PTPN5: variants seen among roughly 807,000 people sequenced by gnomAD.
PTPN5 encodes the protein protein tyrosine phosphatase non-receptor type 5, also known as tyrosine-protein phosphatase non-receptor type 5.
PTPN5 carries 29 observed loss-of-function variants against 73.9 expected under a neutral mutation model. The ratio of observed to expected loss-of-function variants is 0.39; its 90% CI spans 0.29 to 0.54. PTPN5 has a LOEUF of 0.54. PTPN5 is among the 20% of genes least tolerant of loss of function. The pLI is 0.65. For synonymous variants in PTPN5, 267 were observed against 304.7 expected (o/e 0.88, Z 1.29); for missense variants, 652 against 751.4 (o/e 0.87, Z 1.55).
chr11:18,745,077 T>C (rs891527702), intron 3 of PTPN5, among the ~76,000 whole-genome samples: 3 of 152,214 alleles, frequency 2.0e-5, no homozygotes, highest in African/African-American at 7.2e-5. Context: ...GGCTTAGATC[T>C]GAGCCCCTGG....
intron 1 of PTPN5, among the ~76,000 whole-genome samples, chr11:18,789,983 T>A (rs1178495554): frequency 1.3e-5 from 2 of 151,946 alleles, no homozygotes; most frequent in Non-Finnish European, 2.9e-5. Context: ...GAACCTCAGG[T>A]CCCTGGAGAC....
chr11:18,777,975 G>GACGA (rs1439956256), intron 1 of PTPN5, among the ~76,000 whole-genome samples: 1 of 145,610 alleles, frequency 6.9e-6, no homozygotes, highest in African/African-American at 2.6e-5. Flanking sequence ...AGGAAGGAAG[G>GACGA]AAGAAAGAAA....
At chr11:18,764,724 T>G (rs1850556605) in intron 3 of PTPN5, among the ~76,000 whole-genome samples, 1 of 151,988 alleles carries the variant, frequency 6.6e-6, no homozygotes, top group African/African-American at 2.4e-5. Flanking sequence ...TTTGTTTTGT[T>G]TTTTTGGAGA....
intron 1 of PTPN5, among the ~76,000 whole-genome samples, chr11:18,774,227 G>A (rs1851039978): frequency 6.6e-6 from 1 of 152,246 alleles, no homozygotes; most frequent in South Asian, 2.1e-4. Context: ...AAAGGTGAAT[G>A]TTGACTATCA....
chr11:18,760,789 C>T (rs570664482), intron 3 of PTPN5, among the ~76,000 whole-genome samples: 25 of 152,332 alleles, frequency 1.6e-4, no homozygotes, highest in African/African-American at 5.5e-4. Context: ...CATGGCACTC[C>T]CCATGAGCAG....
At chr11:18,773,542 A>C (rs116341756) in intron 1 of PTPN5, among the ~76,000 whole-genome samples, 2,133 of 152,194 alleles carry the variant, frequency 0.014, 46 homozygotes, top group African/African-American at 0.049. Flanking sequence ...GGGGTATCTC[A>C]GCTATAATCA....
Position 18,791,753 on chromosome 11 carries a change from C to G in PTPN5, c.-342G>C, listed in dbSNP as rs529139370. ...CGCTCCGTCCCGCGCTCCGTGCGCG[C>G]TCCCTCGCCCGACCGCCTCACCAAA... On this transcript the variant is annotated 5_prime_UTR_variant, in exon 1 of 15. Transcript: ENST00000358540. 3 of 152,294 alleles carry G rather than the reference C, an allele frequency of 2.0e-5. No homozygotes were observed. The highest frequency in any genetic ancestry group is 7.2e-5 in the African/African-American group (3 of 41,464). 9.4% of individuals were successfully genotyped at this position (152,294 alleles called of 1,614,324 possible).
In PTPN5 at chr11:18,744,849, T is replaced by A. The variant is rs565931773; in HGVS notation, c.98-650A>T. On this transcript the variant is annotated intron_variant, in intron 3 of 14. Transcript: ENST00000358540. ...TCCGGAGAGTCACTCCCTCTCTGGA[T>A]CTTAAGTTTCCCCACCTGGAAGATG... 9.9e-4 allele frequency among the ~76,000 whole-genome samples: 151 copies of A among 152,284 alleles called. 1 individual carries two copies. In the South Asian group the frequency reaches 0.013, roughly 13 times the overall value.
rs536950506 is a variant in PTPN5, at chr11:18,733,715, A to G, written c.1001-80T>C. 1.6e-6 allele frequency: 2 copies of G among 1,215,692 alleles called. No homozygotes were observed. Among genetic ancestry groups the G allele is most frequent in the Non-Finnish European group, 2.4e-6 (2 of 820,262 alleles). 75.3% of individuals were successfully genotyped at this position (1,215,692 alleles called of 1,614,324 possible). The stretch of plus-strand genomic sequence containing the variant: ...CACTTGCTCTGGCCTATTCCAGCAT[A>G]CCCACACTTCTTCTGCGACATTAGC... On this transcript the variant is annotated intron_variant, in intron 9 of 14. Transcript: ENST00000358540. This position sits in a 1 kb window ranked among gnomAD's most constrained non-coding sequence, Gnocchi z 4.3.
chr11:18,739,039 C>T (rs994857424), intron 8 of PTPN5, among the ~76,000 whole-genome samples: 1 of 151,826 alleles, frequency 6.6e-6, no homozygotes, highest in Non-Finnish European at 1.5e-5. Flanking sequence ...CGGGATGACT[C>T]TCCATGCCTC....
intron 3 of PTPN5, among the ~76,000 whole-genome samples, chr11:18,754,254 C>A (rs1035573375): frequency 1.3e-5 from 2 of 152,166 alleles, no homozygotes; most frequent in Non-Finnish European, 2.9e-5. Flanking sequence ...AAATTGAGGG[C>A]CCTTCACCCT....
chr11:18,781,523 T>A (rs376185625), intron 1 of PTPN5, among the ~76,000 whole-genome samples: 95 of 152,144 alleles, frequency 6.2e-4, no homozygotes, highest in African/African-American at 2.2e-3. Context: ...TTTCACCATA[T>A]TGGCTAGGGT....
rs765944445 is a variant in PTPN5 at position 18,742,494 on chromosome 11, G to A, written c.493C>T (p.Leu165Phe). The change falls in exon 7 of 15, where the codon CTC (leucine) becomes TTC (phenylalanine). Residue 165 changes from leucine to phenylalanine, a missense_variant. Physicochemically the swap from Leu to Phe is conservative, Grantham distance 22. This residue lies in a region of PTPN5 where 529 missense variants were observed against 573.9 expected (regional missense o/e 0.92). Coordinates refer to ENST00000358540, the MANE Select transcript of PTPN5 (RefSeq NM_006906.2). The surrounding 1 kb of genome is among the most constrained non-coding windows in gnomAD (Gnocchi z 4.1). ...GGTGGCTCTGGGGGTGTCCTCAGGA[G>A]GTGCCACACCTGGTTGGGGTGTACA... Reference protein sequence around the residue: ...LVLVTTLVWHLLRTPPEPPTP... With the variant: ...LVLVTTLVWHFLRTPPEPPTP... The A allele has an allele frequency of 4.0e-5, 65 of 1,613,348 alleles. No individual in the cohort carries two copies. The South Asian group carries it at 6.1e-4, about 15-fold the overall frequency.
intron 3 of PTPN5, among the ~76,000 whole-genome samples, chr11:18,750,741 T>C (rs1409819319): frequency 6.6e-6 from 1 of 152,128 alleles, no homozygotes; most frequent in African/African-American, 2.4e-5. Flanking sequence ...TGCTGTTCAA[T>C]AGTCACAACT....
intron 3 of PTPN5, among the ~76,000 whole-genome samples, chr11:18,748,521 TTCTGGGTAGAAA>T (rs1849739325): frequency 3.9e-5 from 6 of 152,208 alleles, no homozygotes; most frequent in Admixed American, 3.9e-4. Flanking sequence ...TTAGATATTT[TTCTGGGTAGAAA>T]TCTGACTTTT....
intron 3 of PTPN5, among the ~76,000 whole-genome samples, chr11:18,749,664 T>C (rs184935009): frequency 2.0e-5 from 3 of 152,172 alleles, no homozygotes; most frequent in African/African-American, 7.2e-5. Context: ...GGGTAAGGCA[T>C]GCAGGCAAAT....
rs1564929448 is a variant in PTPN5 at position 18,777,991 on chromosome 11, A to AAGGAAGGAAGG, written c.-113-5921_-113-5920insCCTTCCTTCCT. Among the ~76,000 whole-genome samples the AAGGAAGGAAGG allele has an allele frequency of 3.2e-3, 298 of 92,552 alleles. 1 individual carries two copies. Among genetic ancestry groups the AAGGAAGGAAGG allele is most frequent in the South Asian group, 0.026 (61 of 2,348 alleles). The allele number at this position is 92,552 out of a possible 152,430, so 60.7% of individuals were successfully genotyped here. On this transcript the variant is annotated intron_variant, in intron 1 of 14. Transcript: ENST00000358540. ...GGAAGGAAGGAAGAAAGAAAGAAAGAAAGGAAGGAAGGAAGGAAGGAAGGA... is the reference window on the plus strand; with the variant it reads ...GGAAGGAAGGAAGAAAGAAAGAAAGAAGGAAGGAAGGAAGGAAGGAAGGAAGGAAGGAAGGA...
chr11:18,777,991 AAAGGAAGG>A (rs1157092227), intron 1 of PTPN5, among the ~76,000 whole-genome samples: 23 of 92,566 alleles, frequency 2.5e-4, no homozygotes, highest in African/African-American at 7.2e-4. Flanking sequence ...AGAAAGAAAG[AAAGGAAGG>A]AAGGAAGGAA....
rs202124284 is a variant in PTPN5 at position 18,771,868 on chromosome 11, G to C, written c.20+71C>G. On this transcript the variant is annotated intron_variant, in intron 2 of 14. Coordinates refer to ENST00000358540, the MANE Select transcript of PTPN5 (RefSeq NM_006906.2). ...ATGAGAATGGGTCACGTGTCCCAGA[G>C]CATCCAGATGGAGAAGGCTTGGCCT... The C allele has an allele frequency of 7.5e-6, 10 of 1,334,046 alleles. No individual in the cohort carries two copies. The East Asian group carries it at 2.4e-4, about 32-fold the overall frequency. 82.6% of individuals were successfully genotyped at this position (1,334,046 alleles called of 1,614,324 possible).
Sources: allele counts gnomAD v4.1 joint callset (sites outside exome capture counted in the v4.1 genomes callset), GRCh38; gene constraint gnomAD v4.1.1; regional missense constraint gnomAD v4.1.1; non-coding constraint Gnocchi (gnomAD v3.1); transcripts MANE v1.5; gene names NCBI Gene and HGNC (gene_info 2026-07-23, HGNC 2026-07-21).